Variants in PAK6 observed in about 807,000 individuals in gnomAD.
The protein encoded by PAK6 is p21 (RAC1) activated kinase 6, also known as serine/threonine-protein kinase PAK 6.
In PAK6, 33 loss-of-function variants were observed where a neutral mutation model predicts 60.8. The observed-to-expected ratio is 0.54, with a 90% CI of 0.41 to 0.73. The LOEUF is 0.73. PAK6 is among the 30% of genes least tolerant of loss of function. The pLI is 0.00. For missense variants in PAK6, 845 were observed against 904.1 expected (o/e 0.93, Z 0.84); for synonymous variants, 404 against 378.5 (o/e 1.07, Z -0.78).
chr15:40,276,145 G>T (rs1218852362), exon 11 of PAK6: 1 of 1,567,846 alleles, frequency 6.4e-7, no homozygotes, highest in Non-Finnish European at 8.7e-7. Flanking sequence ...GGCACACTGG[G>T]CAGCCAGCCT....
At chr15:40,265,459 G>A (rs771177995) in intron 4 of PAK6, among the ~76,000 whole-genome samples, 2 of 152,144 alleles carry the variant, frequency 1.3e-5, no homozygotes, top group Non-Finnish European at 2.9e-5. Context: ...GGAGCCCCCG[G>A]CCTGGTGTCT....
rs1052275761 is a variant in PAK6, at chr15:40,256,322, G to C, written c.-6+3033G>C. On this transcript the variant is annotated intron_variant, in intron 3 of 10. Coordinates refer to ENST00000560346, the Ensembl canonical transcript of PAK6. ...ATATTCCAGTGAAAGGCTGTCTTCT[G>C]TTCGCGGTAATTCTCAGCCAAGGGG... Among the ~76,000 whole-genome samples, 6 of 152,210 alleles carry C rather than the reference G, an allele frequency of 3.9e-5. No homozygotes were observed. The South Asian group carries it at 1.2e-3, about 32-fold the overall frequency.
chr15:40,265,027 C>T (rs1166520651), intron 4 of PAK6, 38 bp downstream of exon 4: 2 of 1,579,454 alleles, frequency 1.3e-6, no homozygotes, highest in South Asian at 1.1e-5. Flanking sequence ...CAGCCTCTCC[C>T]AGTACTCAGA....
chr15:40,269,040 A>G (rs562669046), intron 5 of PAK6, among the ~76,000 whole-genome samples: 16 of 152,320 alleles, frequency 1.1e-4, no homozygotes, highest in African/African-American at 3.8e-4. Context: ...AGTATTTGAG[A>G]TGGCGTCTCC....
chr15:40,252,622 G>A, intron 2 of PAK6: 1 of 1,342,514 alleles, frequency 7.4e-7, no homozygotes, highest in Non-Finnish European at 9.9e-7. Flanking sequence ...CCGCGCCGAG[G>A]TCCCTCCCGC....
intron 1 of PAK6, 48 bp from the exon 2 acceptor site, chr15:40,240,551 G>A (rs1203737745): frequency 5.2e-6 from 2 of 383,770 alleles, no homozygotes; most frequent in African/African-American, 2.4e-5. Context: ...AAGCACTGAG[G>A]TTTTCTTTTC....
intron 2 of PAK6, among the ~76,000 whole-genome samples, chr15:40,249,973 AT>A (rs1263484102): frequency 1.3e-5 from 2 of 152,216 alleles, no homozygotes; most frequent in East Asian, 3.8e-4. Context: ...TGCCTGGACA[AT>A]TCCTTCAACC....
At chr15:40,256,484 G>A (rs1035855487) in intron 3 of PAK6, among the ~76,000 whole-genome samples, 3 of 152,212 alleles carry the variant, frequency 2.0e-5, no homozygotes, top group Non-Finnish European at 2.9e-5. Flanking sequence ...TCCTCTGGAG[G>A]CCACTCTGAC....
rs933884855 is a variant in PAK6 at position 40,274,372 on chromosome 15, G to A, written c.1878+96G>A. 4 of 1,340,346 alleles carry A rather than the reference G, an allele frequency of 3.0e-6. No individual in the cohort carries two copies. The Admixed American group carries it at 9.4e-5, about 31-fold the overall frequency. The allele number at this position is 1,340,346 out of a possible 1,614,324, so 83.0% of individuals were successfully genotyped here. The stretch of plus-strand genomic sequence containing the variant: ...CTCCCAGCATCTCCCTTCCACTGAA[G>A]CCACAGGGTCTGGGCTCCTGGAAAA... On this transcript the variant is annotated intron_variant, in intron 10 of 10. Coordinates refer to ENST00000560346, the Ensembl canonical transcript of PAK6.
intron 2 of PAK6, among the ~76,000 whole-genome samples, chr15:40,242,741 C>A (rs1394652654): frequency 1.3e-5 from 2 of 152,242 alleles, no homozygotes; most frequent in African/African-American, 4.8e-5. Context: ...GAGCTCAGCC[C>A]TAGGGGCCAG....
chr15:40,253,628 T>C (rs933117326), intron 3 of PAK6, among the ~76,000 whole-genome samples: 1 of 151,532 alleles, frequency 6.6e-6, no homozygotes, highest in Non-Finnish European at 1.5e-5. Flanking sequence ...GGGGAAGAGG[T>C]TCCCAAACAG....
chr15:40,259,372 G>GGCATGTTT lies in PAK6; in HGVS notation c.-5-5408_-5-5401dup, dbSNP rs1213660970. 15 of 152,400 alleles carry GGCATGTTT rather than the reference G, an allele frequency of 9.8e-5. No individual in the cohort carries two copies. The East Asian group carries it at 2.9e-3, about 29-fold the overall frequency. The allele number at this position is 152,400 out of a possible 1,614,324, so 9.4% of individuals were successfully genotyped here. On this transcript the variant is annotated intron_variant, in intron 3 of 10. Coordinates refer to ENST00000560346, the Ensembl canonical transcript of PAK6. ...ACAGCCTGATGCTGGGGAGAGGCAG[G>GGCATGTTT]GCATGTTTTGTCCTGGGTGATTCAC...
intron 2 of PAK6, among the ~76,000 whole-genome samples, chr15:40,242,800 C>G (rs945379967): frequency 1.3e-5 from 2 of 152,190 alleles, no homozygotes; most frequent in Admixed American, 1.3e-4. Flanking sequence ...GGGACCGTGT[C>G]TCTTCCTGGG....
intron 3 of PAK6, 45 bp from the exon 4 acceptor site, chr15:40,264,735 AC>A (rs746640008): frequency 1.3e-6 from 2 of 1,561,402 alleles, no homozygotes; most frequent in Admixed American, 1.7e-5. Flanking sequence ...TGCTGCAGCC[AC>A]CCCTCTTTCC....
At chr15:40,271,230 C>T (rs771975448) in intron 5 of PAK6, among the ~76,000 whole-genome samples, 1 of 152,190 alleles carries the variant, frequency 6.6e-6, no homozygotes, top group Non-Finnish European at 1.5e-5. Context: ...CAAAGATGGG[C>T]GGGCACCTTT....
intron 5 of PAK6, among the ~76,000 whole-genome samples, chr15:40,268,563 C>T (rs188020527): frequency 6.6e-6 from 1 of 152,332 alleles, no homozygotes; most frequent in East Asian, 1.9e-4. Context: ...GGGGCTGACT[C>T]TGGACACTTG....
chr15:40,256,032 G>C (rs2038824594), intron 3 of PAK6, among the ~76,000 whole-genome samples: 2 of 152,102 alleles, frequency 1.3e-5, no homozygotes. Flanking sequence ...GAGTAGAGTA[G>C]GTCCATAATA....
intron 2 of PAK6, among the ~76,000 whole-genome samples, chr15:40,244,688 A>ACACC (rs2038451056): frequency 6.6e-6 from 1 of 152,102 alleles, no homozygotes; most frequent in African/African-American, 2.4e-5. Flanking sequence ...GTGAGCCACC[A>ACACC]CACCCAGCCT....
chr15:40,272,813 T>TGGCCA (rs894403154), intron 6 of PAK6, 53 bp from the exon 7 acceptor site: 3 of 1,597,234 alleles, frequency 1.9e-6, no homozygotes, highest in Non-Finnish European at 2.6e-6. Context: ...GGGCAGTGGG[T>TGGCCA]GGCCATGCGT....
Sources: gnomAD v4.1 joint callset for allele counts (sites outside exome capture counted in the v4.1 genomes callset) on GRCh38, gnomAD v4.1.1 for gene constraint, MANE v1.5 for transcripts, NCBI Gene and HGNC (gene_info 2026-07-23, HGNC 2026-07-21) for gene names.